NDUFA5: variants seen among roughly 807,000 people sequenced by gnomAD.
NDUFA5 encodes the protein NADH:ubiquinone oxidoreductase subunit A5, also known as NADH dehydrogenase [ubiquinone] 1 alpha subcomplex subunit 5.
NDUFA5 carries 11 observed loss-of-function variants against 19.8 expected under a neutral mutation model. The observed-to-expected ratio is 0.56, with a 90% CI of 0.35 to 0.92. The LOEUF is 0.92. Ranked by LOEUF, NDUFA5 falls within the 40% of genes least tolerant of loss-of-function variation. The pLI, the probability that NDUFA5 is intolerant of heterozygous loss-of-function variation, is 0.01. For missense variants in NDUFA5, 109 were observed against 134.2 expected, an observed-to-expected ratio of 0.81 and a Z score of 0.93; for synonymous variants, 47 against 46.8, an observed-to-expected ratio of 1.00 and a Z score of -0.01.
At chr7:123,599,556 G>GACAAGAAAATCTTATCAC in the NDUFA5 span, among the ~76,000 whole-genome samples, 1 of 152,194 alleles carries the variant, frequency 6.6e-6, no homozygotes, top group African/African-American at 2.4e-5. Flanking sequence ...GCAGTGGCAG[G>GACAAGAAAATCTTATCAC]TGCCTAAAAT....
chr7:123,558,006 GA>G (rs1798629554), upstream of NDUFA5: 1 of 738,248 alleles, frequency 1.4e-6, no homozygotes, highest in East Asian at 2.7e-5. Flanking sequence ...AGCTAAGCTA[GA>G]AGACGATTGG....
the NDUFA5 span, among the ~76,000 whole-genome samples, chr7:123,588,869 T>A: frequency 6.6e-6 from 1 of 151,832 alleles, no homozygotes; most frequent in African/African-American, 2.4e-5. Flanking sequence ...ACATATTTTT[T>A]AATTTTCCCA....
the NDUFA5 span, among the ~76,000 whole-genome samples, chr7:123,568,620 C>T: frequency 1.3e-5 from 2 of 151,832 alleles, no homozygotes; most frequent in African/African-American, 4.8e-5. Context: ...GGCTTAACTC[C>T]ACTTCTGTAT....
At chr7:123,548,109 A>AG (rs1371271475) in intron 3 of NDUFA5, among the ~76,000 whole-genome samples, 1 of 152,138 alleles carries the variant, frequency 6.6e-6, no homozygotes, top group Non-Finnish European at 1.5e-5. Context: ...TGAAAAAAAA[A>AG]GTTACTTTTA....
the NDUFA5 span, among the ~76,000 whole-genome samples, chr7:123,565,765 C>A: frequency 6.6e-6 from 1 of 152,168 alleles, no homozygotes; most frequent in Non-Finnish European, 1.5e-5. Context: ...CCTTGTAATC[C>A]CAGCACTTTG....
intron 3 of NDUFA5, 161 bp from the exon 4 acceptor site, chr7:123,545,837 C>A: frequency 1.8e-6 from 1 of 546,218 alleles, no homozygotes; most frequent in Non-Finnish European, 3.2e-6. Context: ...TTCACCTCTG[C>A]TATTTCATTG....
chr7:123,571,826 A>T, the NDUFA5 span, among the ~76,000 whole-genome samples: 2 of 152,126 alleles, frequency 1.3e-5, no homozygotes, highest in South Asian at 4.2e-4. Context: ...GTGCAGTGGC[A>T]TGATCATGAC....
At chr7:123,593,255 C>A in the NDUFA5 span, among the ~76,000 whole-genome samples, 1 of 152,090 alleles carries the variant, frequency 6.6e-6, no homozygotes, top group Non-Finnish European at 1.5e-5. Context: ...GTAATTGGGG[C>A]ATTTAGCCTG....
the NDUFA5 span, among the ~76,000 whole-genome samples, chr7:123,571,663 T>C: frequency 1.3e-5 from 2 of 152,212 alleles, no homozygotes; most frequent in Non-Finnish European, 2.9e-5. Flanking sequence ...GTGGTACTAA[T>C]TTACAAAATA....
chr7:123,586,409 G>A, the NDUFA5 span, among the ~76,000 whole-genome samples: 3 of 151,700 alleles, frequency 2.0e-5, no homozygotes, highest in Admixed American at 2.0e-4. Context: ...TCCTTTGCCT[G>A]TTTTTTAATT....
the NDUFA5 span, among the ~76,000 whole-genome samples, chr7:123,599,783 T>A: frequency 6.6e-5 from 10 of 152,210 alleles, no homozygotes; most frequent in Non-Finnish European, 1.3e-4. Flanking sequence ...ATAGAAGGAA[T>A]GCGTATTTGG....
chr7:123,561,797 C>T (rs549476450), upstream of NDUFA5, among the ~76,000 whole-genome samples: 19 of 151,876 alleles, frequency 1.3e-4, no homozygotes, highest in African/African-American at 3.6e-4. Context: ...GGGGTTTCAC[C>T]GTCTTGGCCG....
chr7:123,558,905 C>A (rs1434419578), upstream of NDUFA5, among the ~76,000 whole-genome samples: 1 of 151,848 alleles, frequency 6.6e-6, no homozygotes, highest in Non-Finnish European at 1.5e-5. Flanking sequence ...AGAGATGAGG[C>A]CTTTCATTAG....
chr7:123,588,773 C>A, the NDUFA5 span, among the ~76,000 whole-genome samples: 1 of 151,336 alleles, frequency 6.6e-6, no homozygotes, highest in Admixed American at 6.6e-5. Flanking sequence ...GTTCTATGTC[C>A]ATTTTTGTTT....
upstream of NDUFA5, among the ~76,000 whole-genome samples, chr7:123,560,652 CTGGTTACCCTCTCA>C (rs1490458246): frequency 1.3e-5 from 2 of 152,168 alleles, no homozygotes; most frequent in Admixed American, 6.5e-5. Context: ...TTGGCTTATA[CTGGTTACCCTCTCA>C]TGGTATGCTC....
At position 123,544,498 on chromosome 7, in the gene NDUFA5, C is replaced by CA. The variant is rs754788912; in HGVS notation, c.249+1112dup. 8.0e-3 allele frequency among the ~76,000 whole-genome samples: 580 copies of CA among 72,244 alleles called. 2 individuals carry two copies. The highest frequency in any genetic ancestry group is 0.02 in the African/African-American group (371 of 18,986). 47.4% of individuals were successfully genotyped at this position (72,244 alleles called of 152,430 possible). A position where few individuals can be genotyped will look rare whatever the true frequency, so the allele number is the denominator to read the frequency against. ...GGGCAACAAGAGCAAAACTCCATCT[C>CA]AAAAAAAAAAAAAAAAAAAAAATTG... On this transcript the variant is annotated intron_variant, in intron 4 of 4. Coordinates refer to ENST00000355749, the MANE Select transcript of NDUFA5 (RefSeq NM_005000.5).
chr7:123,545,695 A>G lies in NDUFA5; in HGVS notation c.184-19T>C. The G allele has an allele frequency of 6.4e-7, 1 of 1,570,262 alleles. No homozygotes were observed. Among genetic ancestry groups the G allele is most frequent in the Non-Finnish European group, 8.7e-7 (1 of 1,147,092 alleles). On this transcript the variant is annotated intron_variant, in intron 3 of 4. Coordinates refer to ENST00000355749, the MANE Select transcript of NDUFA5 (RefSeq NM_005000.5). ...CTGGTTCCTATAATTTCAGGGAGAAAAAAAATTAAAGAAGCATACTAACTG... is the reference window on the plus strand; with the variant it reads ...CTGGTTCCTATAATTTCAGGGAGAAGAAAAATTAAAGAAGCATACTAACTG...
the NDUFA5 span, among the ~76,000 whole-genome samples, chr7:123,572,659 G>A: frequency 5.5e-5 from 8 of 145,414 alleles, no homozygotes; most frequent in East Asian, 1.2e-3. Context: ...ATTACCCCAC[G>A]GTTTTTTGTT....
At chr7:123,543,589 C>T (rs1404185949) in intron 4 of NDUFA5, among the ~76,000 whole-genome samples, 1 of 152,010 alleles carries the variant, frequency 6.6e-6, no homozygotes. Context: ...TAATATACTA[C>T]ATATACTGAG....
Sources: allele counts gnomAD v4.1 joint callset (sites outside exome capture counted in the v4.1 genomes callset), GRCh38; gene constraint gnomAD v4.1.1; transcripts MANE v1.5; gene names NCBI Gene and HGNC (gene_info 2026-07-23, HGNC 2026-07-21).